NLRP6: variants seen among roughly 807,000 people sequenced by gnomAD.
NLRP6 encodes NACHT, LRR and PYD domains-containing protein 6.
A neutral mutation model predicts 70.9 loss-of-function variants in NLRP6; 55 were observed. The ratio of observed to expected loss-of-function variants is 0.78; its 90% CI spans 0.62 to 0.97. The LOEUF (loss-of-function observed/expected upper bound fraction) is 0.97, where lower values mean the gene tolerates loss of function less well. NLRP6 is among the 50% of genes least tolerant of loss of function. NLRP6 has a pLI of 0.00. For synonymous variants in NLRP6, 652 were observed against 581.9 expected (o/e 1.12, Z -1.73); for missense variants, 1,241 against 1,238.3 (o/e 1.00, Z -0.03).
rs758180169 is a variant in NLRP6, at chr11:278,568, C to T, written c.-2C>T. On this transcript the variant is annotated 5_prime_UTR_variant, in exon 1 of 8. Coordinates refer to ENST00000534750, the MANE Select transcript of NLRP6 (RefSeq NM_001276700.2). The surrounding 1 kb of genome is among the most constrained non-coding windows in gnomAD (Gnocchi z 4.7). ...TGCTAGACCCAGGGAGGAAGAGACC[C>T]CATGGACCAGCCAGAGGCCCCCTGC... is the stretch of plus-strand genomic sequence containing the variant. 1 of 1,590,534 alleles carries T rather than the reference C, an allele frequency of 6.3e-7. No individual in the cohort carries two copies.
chr11:280,385 C>G lies in NLRP6; in HGVS notation c.651C>G (p.Tyr217Ter). 1.3e-6 allele frequency: 2 copies of G among 1,558,534 alleles called. No homozygotes were observed. Among genetic ancestry groups the G allele is most frequent in the Non-Finnish European group, 1.7e-6 (2 of 1,159,222 alleles). The change falls in exon 4 of 8, where the codon TAC (tyrosine) becomes TAG (stop). Residue 217 changes from tyrosine to a stop codon, truncating the protein, a stop_gained. Transcript: ENST00000534750. LOFTEE classifies it high-confidence loss of function. ...GKTMAAKKILYDWAAGKLYQG... is the reference protein window; with the variant it reads ...GKTMAAKKIL ...CCATGGCGGCCAAAAAGATCCTGTA[C>G]GACTGGGCGGCGGGCAAGCTGTACC...
intron 5 of NLRP6, among the ~76,000 whole-genome samples, chr11:283,718 G>A (rs1371037416): frequency 6.6e-6 from 1 of 152,134 alleles, no homozygotes; most frequent in African/African-American, 2.4e-5. Flanking sequence ...TGGTGAAACA[G>A]GTCCATCCTA....
chr11:279,620 C>G lies in NLRP6; in HGVS notation c.310+13C>G, dbSNP rs1845437478. 7.2e-7 allele frequency: 1 copy of G among 1,392,652 alleles called. No individual in the cohort carries two copies. 86.3% of individuals were successfully genotyped at this position (1,392,652 alleles called of 1,614,324 possible). ...CGGCGGCTGCAGCGTGAGTTCTGCGCGGGAGGTCCCTCCTGTCTGGGCAGA... is the reference window on the plus strand; with the variant it reads ...CGGCGGCTGCAGCGTGAGTTCTGCGGGGGAGGTCCCTCCTGTCTGGGCAGA... On this transcript the variant is annotated intron_variant, in intron 2 of 7. Transcript: ENST00000534750.
At position 285,295 on chromosome 11, in the gene NLRP6, G is replaced by A. The variant is rs201724131; in HGVS notation, c.2667G>A (p.Ser889=). Residue 889 remains serine, a synonymous_variant, in exon 8 of 8, where the codon TCG becomes TCA. Transcript: ENST00000534750. ...CACAACCTCCCAAGGAACTCATCTC[G>A]ACCTTCTGAGGCTCTGGTGGCCAGA... is the stretch of plus-strand genomic sequence containing the variant. ...GHPQPPKELI[S]TF 2.7e-4 allele frequency: 438 copies of A among 1,608,786 alleles called. 1 individual carries two copies. In the East Asian group the frequency reaches 5.6e-3, roughly 21 times the overall value.
intron 4 of NLRP6, among the ~76,000 whole-genome samples, chr11:282,500 C>G (rs1460963015): frequency 2.0e-5 from 3 of 152,204 alleles, no homozygotes; most frequent in Non-Finnish European, 4.4e-5. Flanking sequence ...TGACCTCACT[C>G]AGACACCCCA....
chr11:281,494 C>T lies in NLRP6; in HGVS notation c.1760C>T (p.Pro587Leu), dbSNP rs57520048. The change falls in exon 4 of 8, where the codon CCC becomes CTC. Residue 587 changes from proline to leucine, a missense_variant. By Grantham distance (98) the Pro-to-Leu change is moderately conservative (BLOSUM62 -3). Transcript: ENST00000534750. ...RWVQGQGQGCPGVAPEVTEGA... is the reference protein window; with the variant it reads ...RWVQGQGQGCLGVAPEVTEGA... ...GTGCAGGGACAGGGACAGGGCTGCC[C>T]CGGAGTGGCACCAGAGGTGACCGAG... is the stretch of plus-strand genomic sequence containing the variant. 1.7e-3 allele frequency: 2,745 copies of T among 1,598,130 alleles called. 38 individuals are homozygous for T. In the African/African-American group the frequency reaches 0.033, roughly 19 times the overall value.
At position 280,752 on chromosome 11, in the gene NLRP6, T is replaced by C. The variant is rs199923977; in HGVS notation, c.1018T>C (p.Ser340Pro). ...APGRLQGRLC[S>P]PQCAEVRGFS... Reference sequence around the variant, plus strand: ...CGGGAGGCTGCAGGGCCGCCTGTGTTCCCCGCAGTGCGCCGAGGTGCGCGG... The same window carrying C: ...CGGGAGGCTGCAGGGCCGCCTGTGTCCCCCGCAGTGCGCCGAGGTGCGCGG... The change falls in exon 4 of 8, where the codon TCC becomes CCC. Residue 340 changes from serine (S) to proline (P), a missense_variant. Physicochemically the swap from Ser to Pro is moderately conservative, Grantham distance 74. Transcript: ENST00000534750. 8.7e-6 allele frequency: 14 copies of C among 1,607,368 alleles called. No individual in the cohort carries two copies. The East Asian group carries it at 3.1e-4, about 36-fold the overall frequency.
rs145289554 is a variant in NLRP6, at chr11:281,638, G to A, written c.1904G>A (p.Arg635His). Residue 635 changes from arginine to histidine, a missense_variant, in exon 4 of 8, where the codon CGC becomes CAC. Transcript: ENST00000534750. Reference protein sequence around the residue: ...LYETQEDAFVRQALCRFPELA... With the variant: ...LYETQEDAFVHQALCRFPELA... ...GAGACGCAGGAGGACGCGTTTGTGC[G>A]CCAAGCCCTGTGCCGGTTCCCGGAG... 6 of 1,613,190 alleles carry A rather than the reference G, an allele frequency of 3.7e-6. No individual in the cohort carries two copies. The highest frequency in any genetic ancestry group is 1.7e-4 in the Middle Eastern group (1 of 6,058).
chr11:279,285 C>T, intron 1 of NLRP6, 42 bp from the exon 2 acceptor site: 1 of 1,257,100 alleles, frequency 8.0e-7, no homozygotes, highest in East Asian at 3.2e-5. Context: ...CGGGGGTCAC[C>T]CGAGGGCCGC....
At chr11:282,929 G>A (rs1268776169) in intron 5 of NLRP6, 132 bp downstream of exon 5, 3 of 716,448 alleles carry the variant, frequency 4.2e-6, no homozygotes, top group South Asian at 3.0e-5. Context: ...GGGTGCTGGA[G>A]ATGGCAGGCT....
In NLRP6 at chr11:280,481, G is replaced by A. The variant is rs748346931; in HGVS notation, c.747G>A (p.Leu249=). The A allele has an allele frequency of 6.3e-7, 1 of 1,591,908 alleles. No individual in the cohort carries two copies. Among genetic ancestry groups the A allele is most frequent in the Non-Finnish European group, 8.5e-7 (1 of 1,177,668 alleles). The change falls in exon 4 of 8, where the codon CTG becomes CTA. Residue 249 remains leucine, a synonymous_variant. Transcript: ENST00000534750. ...TGGAGAGGCCGGGCACGCGCAGCCT[G>A]GCTGACCTGATCCTGGACCAGTGCC... ...ELLERPGTRS[L]ADLILDQCPD...
In NLRP6 at chr11:281,510, G is replaced by C; in HGVS notation, c.1776G>C (p.Glu592Asp). 1 of 1,605,110 alleles carries C rather than the reference G, an allele frequency of 6.2e-7. No homozygotes were observed. Among genetic ancestry groups the C allele is most frequent in the Non-Finnish European group, 8.5e-7 (1 of 1,175,250 alleles). Reference protein sequence around the residue: ...QGQGCPGVAPEVTEGAKGLED... With the variant: ...QGQGCPGVAPDVTEGAKGLED... ...AGGGCTGCCCCGGAGTGGCACCAGA[G>C]GTGACCGAGGGGGCCAAAGGGCTCG... Residue 592 changes from glutamate to aspartate, a missense_variant, in exon 4 of 8, where the codon GAG (glutamate) becomes GAC (aspartate). Coordinates refer to ENST00000534750, the MANE Select transcript of NLRP6 (RefSeq NM_001276700.2).
chr11:278,669 G>A lies in NLRP6; in HGVS notation c.29+71G>A, dbSNP rs570325412. ...GCCCTCTGGGGCCTCCACCTCACCC[G>A]CTGACTTCCTCAGGCTCTCCACCCT... On this transcript the variant is annotated intron_variant, in intron 1 of 7. Transcript: ENST00000534750. This position sits in a 1 kb window ranked among gnomAD's most constrained non-coding sequence, Gnocchi z 4.7. 29 of 1,257,920 alleles carry A rather than the reference G, an allele frequency of 2.3e-5. No homozygotes were observed. Among genetic ancestry groups the A allele is most frequent in the South Asian group, 2.0e-4 (14 of 70,652 alleles). 77.9% of individuals were successfully genotyped at this position (1,257,920 alleles called of 1,614,324 possible).
chr11:283,030 G>A lies in NLRP6; in HGVS notation c.2198+233G>A, dbSNP rs893177734. Among the ~76,000 whole-genome samples the A allele has an allele frequency of 1.4e-4, 22 of 152,328 alleles. No individual in the cohort carries two copies. The East Asian group carries it at 3.9e-3, about 27-fold the overall frequency. ...GGTAGGAAAAGGTTGGTCCTGGTGA[G>A]TGGAAAGCAGCTAAGCACACTGAGG... is the stretch of plus-strand genomic sequence containing the variant. On this transcript the variant is annotated intron_variant, in intron 5 of 7. Coordinates refer to ENST00000534750, the MANE Select transcript of NLRP6 (RefSeq NM_001276700.2).
Position 281,500 on chromosome 11 carries a change from T to C in NLRP6, c.1766T>C (p.Val589Ala). 1 of 1,599,508 alleles carries C rather than the reference T, an allele frequency of 6.3e-7. No homozygotes were observed. Among genetic ancestry groups the C allele is most frequent in the South Asian group, 1.1e-5 (1 of 89,310 alleles). ...GGACAGGGACAGGGCTGCCCCGGAG[T>C]GGCACCAGAGGTGACCGAGGGGGCC... ...VQGQGQGCPG[V>A]APEVTEGAKG... The change falls in exon 4 of 8, where the codon GTG becomes GCG. Residue 589 changes from valine to alanine, a missense_variant. Coordinates refer to ENST00000534750, the MANE Select transcript of NLRP6 (RefSeq NM_001276700.2).
rs1845481604 is a variant in NLRP6, at chr11:281,675, G to A, written c.1941G>A (p.Gln647=). 6.2e-7 allele frequency: 1 copy of A among 1,613,466 alleles called. No homozygotes were observed. The highest frequency in any genetic ancestry group is 1.3e-5 in the African/African-American group (1 of 75,076). Residue 647 remains glutamine, a synonymous_variant, in exon 4 of 8, where the codon CAG becomes CAA. Transcript: ENST00000534750. ...ALCRFPELAL[Q]RVRFCRMDVA... ...GCCGGTTCCCGGAGCTGGCGCTGCA[G>A]CGAGTGCGCTTCTGCCGCATGGACG...
Position 284,564 on chromosome 11 carries a change from G to A in NLRP6, c.2459G>A (p.Gly820Asp). Residue 820 changes from glycine to aspartate, a missense_variant, in exon 7 of 8, where the codon GGC becomes GAC. Gly to Asp is a moderately conservative substitution (Grantham distance 94, BLOSUM62 -1). Transcript: ENST00000534750. ...SPALTTLDLS[G>D]CQLPAPMVTY... Reference sequence around the variant, plus strand: ...GCCCTGACCACCCTGGATCTCAGCGGCTGCCAACTGCCCGCCCCCATGGTG... The same window carrying A: ...GCCCTGACCACCCTGGATCTCAGCGACTGCCAACTGCCCGCCCCCATGGTG... The A allele has an allele frequency of 6.2e-7, 1 of 1,612,498 alleles. No homozygotes were observed.
In NLRP6 at chr11:284,298, C is replaced by T. The variant is rs547586414; in HGVS notation, c.2267C>T (p.Ala756Val). The T allele has an allele frequency of 2.7e-5, 44 of 1,612,786 alleles. No individual in the cohort carries two copies. The African/African-American group carries it at 4.4e-4, about 16-fold the overall frequency. Residue 756 changes from alanine to valine, a missense_variant, in exon 6 of 8, where the codon GCA becomes GTA. Coordinates refer to ENST00000534750, the MANE Select transcript of NLRP6 (RefSeq NM_001276700.2). ...DLSEALRAAP[A>V]LTELGLLHNR... ...TCTGAGGCCCTGAGGGCAGCCCCCG[C>T]ACTGACGGAGCTGGGCCTCCTCCAC...
intron 5 of NLRP6, 42 bp from the exon 6 acceptor site, chr11:284,188 C>T (rs1845520233): frequency 1.3e-6 from 2 of 1,592,646 alleles, no homozygotes; most frequent in East Asian, 2.2e-5. Flanking sequence ...GGTGTGGTGG[C>T]TGAGGCGCCT....
Sources: allele counts gnomAD v4.1 joint callset (sites outside exome capture counted in the v4.1 genomes callset), GRCh38; gene constraint gnomAD v4.1.1; non-coding constraint Gnocchi (gnomAD v3.1); transcripts MANE v1.5; gene names NCBI Gene and HGNC (gene_info 2026-07-23, HGNC 2026-07-21).